NEK4: variants seen among roughly 807,000 people sequenced by gnomAD.
NEK4 encodes the protein NIMA related kinase 4.
In NEK4, 86 loss-of-function variants were observed where a neutral mutation model predicts 98.4. The observed-to-expected ratio is 0.87, with a 90% confidence interval of 0.73 to 1.05. The LOEUF (loss-of-function observed/expected upper bound fraction) is 1.05, where lower values mean the gene tolerates loss of function less well. Among genes scored for constraint, NEK4 ranks in the 50% least tolerant of loss-of-function variants. The pLI, the probability that NEK4 is intolerant of heterozygous loss-of-function variation, is 0.00. For missense variants in NEK4, 898 were observed against 950.3 expected (o/e 0.94, Z 0.72); for synonymous variants, 328 against 342.2 (o/e 0.96, Z 0.46).
intron 4 of NEK4, among the ~76,000 whole-genome samples, chr3:52,765,304 T>C (rs998418795): frequency 4.1e-5 from 6 of 147,664 alleles, no homozygotes; most frequent in Admixed American, 3.4e-4. Context: ...TGAGCTGAGA[T>C]CATGCCATTG....
chr3:52,741,078 T>C (rs576446355), intron 13 of NEK4, among the ~76,000 whole-genome samples: 1 of 151,044 alleles, frequency 6.6e-6, no homozygotes, highest in South Asian at 2.1e-4. Context: ...ACTAAAAAAA[T>C]ACAAAAAACT....
intron 7 of NEK4, among the ~76,000 whole-genome samples, chr3:52,751,139 C>T (rs1402566942): frequency 6.6e-6 from 1 of 151,908 alleles, no homozygotes; most frequent in Non-Finnish European, 1.5e-5. Flanking sequence ...GAAGAAACCC[C>T]GTCTGTACTA....
chr3:52,733,727 C>G (rs924990786), intron 15 of NEK4: 1 of 444,490 alleles, frequency 2.2e-6, no homozygotes, highest in East Asian at 7.0e-5. Context: ...CAAGTTATAC[C>G]TAATCAACCA....
Position 52,768,461 on chromosome 3 carries a change from G to A in NEK4, c.237C>T (p.Leu79=). The change falls in exon 2 of 16, where the codon CTC becomes CTT. Residue 79 remains leucine, a synonymous_variant. Transcript: ENST00000233027. ...KESWEGGDGL[L]YIVMGFCEGG... is the part of the protein sequence containing the mutation. Reference sequence around the variant, plus strand: ...CTTCACAGAAGCCCATGACAATGTAGAGCAGACCATCTCCTCCTTCCCATG... The same window carrying A: ...CTTCACAGAAGCCCATGACAATGTAAAGCAGACCATCTCCTCCTTCCCATG... 1.9e-6 allele frequency: 3 copies of A among 1,614,164 alleles called. No individual in the cohort carries two copies. The highest frequency in any genetic ancestry group is 1.7e-6 in the Non-Finnish European group (2 of 1,180,024).
rs1045576739 is a variant in NEK4 at position 52,742,989 on chromosome 3, T to C, written c.2004+363A>G. On this transcript the variant is annotated intron_variant, in intron 12 of 15. Transcript: ENST00000233027. Reference sequence around the variant, plus strand: ...TCTTAGAGACAGGGTCCAACTATATTGCCCAGATTGATCTCAAACTCCTGG... The same window carrying C: ...TCTTAGAGACAGGGTCCAACTATATCGCCCAGATTGATCTCAAACTCCTGG... Among the ~76,000 whole-genome samples the C allele has an allele frequency of 2.6e-5, 4 of 152,082 alleles. 1 individual carries two copies. The highest frequency in any genetic ancestry group is 2.0e-4 in the Admixed American group (3 of 15,264).
chr3:52,743,678 C>T (rs1186835509), intron 11 of NEK4, among the ~76,000 whole-genome samples: 2 of 152,170 alleles, frequency 1.3e-5, no homozygotes, highest in Non-Finnish European at 2.9e-5. Context: ...CTCCTCAGAG[C>T]CTCTGTTTCC....
chr3:52,764,565 A>G (rs1485578156), intron 4 of NEK4, among the ~76,000 whole-genome samples: 1 of 151,666 alleles, frequency 6.6e-6, no homozygotes, highest in Non-Finnish European at 1.5e-5. Context: ...CGAGAGGCAG[A>G]GGTTGCAGTG....
intron 8 of NEK4, among the ~76,000 whole-genome samples, chr3:52,749,253 G>A (rs568742231): frequency 7.2e-5 from 11 of 151,810 alleles, no homozygotes; most frequent in South Asian, 2.1e-4. Flanking sequence ...CTGCCTCAGC[G>A]TCCTGAGTAG....
Position 52,770,647 on chromosome 3 carries a change from T to G in NEK4, c.93+7A>C. ...CCCGCCCCTTGCCGGGCCCCACCCC[T>G]GCAGACCTGCTTGCCGTCCCGCCGG... is the stretch of plus-strand genomic sequence containing the variant. On this transcript the variant is annotated splice_region_variant and intron_variant, in intron 1 of 15. Coordinates refer to ENST00000233027, the MANE Select transcript of NEK4 (RefSeq NM_003157.6). The G allele has an allele frequency of 1.8e-6, 2 of 1,098,096 alleles. No homozygotes were observed. Among genetic ancestry groups the G allele is most frequent in the Admixed American group, 2.1e-5 (1 of 46,708 alleles). 68.0% of individuals were successfully genotyped at this position (1,098,096 alleles called of 1,614,324 possible).
intron 14 of NEK4, among the ~76,000 whole-genome samples, 173 bp downstream of exon 14, chr3:52,739,256 G>C (rs149689070): frequency 3.3e-5 from 5 of 152,070 alleles, no homozygotes; most frequent in Non-Finnish European, 7.4e-5. Context: ...AAAATTACCC[G>C]GGCATGGTGG....
At chr3:52,736,353 G>A (rs538894599) in intron 15 of NEK4, among the ~76,000 whole-genome samples, 29 of 152,272 alleles carry the variant, frequency 1.9e-4, no homozygotes, top group East Asian at 1.7e-3. Flanking sequence ...TTGGGAGGCC[G>A]AGGTGGGCAG....
At chr3:52,758,268 C>T (rs143263511) in intron 6 of NEK4, among the ~76,000 whole-genome samples, 2 of 149,672 alleles carry the variant, frequency 1.3e-5, no homozygotes, top group African/African-American at 4.9e-5. Context: ...TGGGGAGATA[C>T]TGTTTAATGG....
intron 8 of NEK4, among the ~76,000 whole-genome samples, chr3:52,748,394 T>G (rs2097400003): frequency 1.3e-5 from 2 of 152,194 alleles, no homozygotes; most frequent in South Asian, 4.1e-4. Context: ...TTTTTTTCTC[T>G]TCCTCCAAAT....
intron 1 of NEK4, among the ~76,000 whole-genome samples, chr3:52,770,035 G>A (rs890789125): frequency 1.3e-5 from 2 of 152,146 alleles, no homozygotes; most frequent in Non-Finnish European, 2.9e-5. Context: ...GAGATGAGAG[G>A]AGGCCTATTG....
chr3:52,746,195 G>A lies in NEK4; in HGVS notation c.1693C>T (p.Pro565Ser), dbSNP rs781502891. ...ATGGGATGAGAAGGCAAAAATCGAG[G>A]AGGCGACTCTTGGAACTTAAATAAT... Reference protein sequence around the residue: ...RDLFAFQESPPRFLPSHPIVG... With the variant: ...RDLFAFQESPSRFLPSHPIVG... Residue 565 changes from proline to serine, a missense_variant, in exon 10 of 16, where the codon CCT becomes TCT. By Grantham distance (74) the Pro-to-Ser change is moderately conservative. Transcript: ENST00000233027. The A allele has an allele frequency of 4.0e-5, 64 of 1,613,874 alleles. No individual in the cohort carries two copies. In the South Asian group the frequency reaches 6.8e-4, roughly 17 times the overall value.
Position 52,766,245 on chromosome 3 carries a change from C to T in NEK4, c.491G>A (p.Ser164Asn), listed in dbSNP as rs762422817. 7.4e-6 allele frequency: 12 copies of T among 1,614,114 alleles called. No homozygotes were observed. The East Asian group carries it at 2.7e-4, about 36-fold the overall frequency. The stretch of plus-strand genomic sequence containing the variant: ...GTAGTAGGGTGTGCCAATGAGGGTG[C>T]TAGCCATGTCACAGTGGTTCTCTAA... The part of the protein sequence containing the change: ...RVLENHCDMA[S>N]TLIGTPYYMS... The change falls in exon 3 of 16, where the codon AGC becomes AAC. Residue 164 changes from serine to asparagine, a missense_variant. Transcript: ENST00000233027.
At chr3:52,755,321 T>C (rs576340657) in intron 6 of NEK4, among the ~76,000 whole-genome samples, 3 of 152,082 alleles carry the variant, frequency 2.0e-5, no homozygotes, top group Non-Finnish European at 4.4e-5. Flanking sequence ...TGAAAAGGTT[T>C]TGGAAGATAG....
rs756175389 is a variant in NEK4 at position 52,744,345 on chromosome 3, G to A, written c.1828-40C>T. The A allele has an allele frequency of 6.1e-6, 9 of 1,468,362 alleles. No homozygotes were observed. The Admixed American group carries it at 1.5e-4, about 25-fold the overall frequency. 91.0% of individuals were successfully genotyped at this position (1,468,362 alleles called of 1,614,324 possible). A position where few individuals can be genotyped will look rare whatever the true frequency, so the allele number is the denominator to read the frequency against. On this transcript the variant is annotated intron_variant, in intron 10 of 15. Transcript: ENST00000233027. Reference sequence around the variant, plus strand: ...CACAGAGTCACTTCCATTCCTACTTGCTATTTTTATAACACCTACAATCCA... The same window carrying A: ...CACAGAGTCACTTCCATTCCTACTTACTATTTTTATAACACCTACAATCCA...
chr3:52,725,542 CAT>C (rs1020586603), intron 15 of NEK4, among the ~76,000 whole-genome samples: 88 of 146,528 alleles, frequency 6.0e-4, no homozygotes, highest in African/African-American at 2.0e-3. Context: ...AAAAAAAAAA[CAT>C]ATAATGTACA....
Sources: gnomAD v4.1 joint callset for allele counts (sites outside exome capture counted in the v4.1 genomes callset) on GRCh38, gnomAD v4.1.1 for gene constraint, MANE v1.5 for transcripts, NCBI Gene and HGNC (gene_info 2026-07-23, HGNC 2026-07-21) for gene names.